The following ATF3 variants were observed in gnomAD, a reference collection of about 807,000 sequenced individuals.
ATF3 encodes the protein activating transcription factor 3.
In ATF3, 10 loss-of-function variants were observed where a neutral mutation model predicts 18.4. The ratio of observed to expected loss-of-function variants is 0.54; its 90% CI spans 0.34 to 0.92. ATF3 has a LOEUF of 0.92. Ranked by LOEUF, ATF3 falls within the 40% of genes least tolerant of loss-of-function variation. The pLI, the probability that ATF3 is intolerant of heterozygous loss-of-function variation, is 0.02. For synonymous variants in ATF3, 78 were observed against 87.9 expected, an observed-to-expected ratio of 0.89 and a Z score of 0.63; for missense variants, 183 against 222.3, an observed-to-expected ratio of 0.82 and a Z score of 1.12.
chr1:212,594,498 T>C (rs6682064), intron 1 of ATF3, among the ~76,000 whole-genome samples: 40,965 of 152,006 alleles, frequency 0.27, 6,125 homozygotes, highest in African/African-American at 0.41. Context: ...GTCCTACTGG[T>C]GTCAGATTTA....
At chr1:212,602,966 A>G (rs1366354468) in intron 1 of ATF3, among the ~76,000 whole-genome samples, 2 of 152,264 alleles carry the variant, frequency 1.3e-5, no homozygotes, top group Non-Finnish European at 2.9e-5. Context: ...TTTAAGGCAG[A>G]CACTCAAGTA....
At chr1:212,617,662 A>G (rs1036726672) in intron 2 of ATF3, among the ~76,000 whole-genome samples, 9 of 152,150 alleles carry the variant, frequency 5.9e-5, no homozygotes, top group African/African-American at 1.7e-4. Context: ...TCAGAGGTGA[A>G]TGGGGTTGCC....
intron 1 of ATF3, among the ~76,000 whole-genome samples, chr1:212,592,463 A>G (rs1645401806): frequency 8.2e-6 from 1 of 122,390 alleles, no homozygotes; most frequent in South Asian, 2.5e-4. Context: ...CAGAATCAGG[A>G]TCCTAACAAG....
At chr1:212,581,357 C>T (rs1278276194) in intron 1 of ATF3, among the ~76,000 whole-genome samples, 1 of 152,132 alleles carries the variant, frequency 6.6e-6, no homozygotes, top group African/African-American at 2.4e-5. Flanking sequence ...TCCCCTGCAC[C>T]TGCTTGAGAC....
At chr1:212,601,738 A>C (rs1485526534) in intron 1 of ATF3, among the ~76,000 whole-genome samples, 5 of 152,188 alleles carry the variant, frequency 3.3e-5, no homozygotes, top group African/African-American at 1.2e-4. Flanking sequence ...CCACACATCA[A>C]GTTTTTTTAA....
chr1:212,618,498 G>A lies in ATF3; in HGVS notation c.348+264G>A, dbSNP rs1655230336. On this transcript the variant is annotated intron_variant, in intron 3 of 3. Transcript: ENST00000341491. The surrounding 1 kb of genome is among the most constrained non-coding windows in gnomAD (Gnocchi z 4.4). ...CAGCAGCCTCGGCCGGTTCATACAT[G>A]TCCATCAGCTTCCAGGCTGCAGGAC... 2 of 498,892 alleles carry A rather than the reference G, an allele frequency of 4.0e-6. No individual in the cohort carries two copies. The highest frequency in any genetic ancestry group is 3.3e-5 in the Admixed American group (1 of 30,760). 30.9% of individuals were successfully genotyped at this position (498,892 alleles called of 1,614,324 possible).
At chr1:212,566,598 C>T (rs371062888) in intron 1 of ATF3, among the ~76,000 whole-genome samples, 18 of 152,208 alleles carry the variant, frequency 1.2e-4, no homozygotes, top group East Asian at 1.2e-3. Context: ...GTGGAGGTCA[C>T]GGTCAGCTGT....
chr1:212,615,816 G>A (rs1655096919), intron 2 of ATF3, among the ~76,000 whole-genome samples: 1 of 146,866 alleles, frequency 6.8e-6, no homozygotes, highest in Non-Finnish European at 1.5e-5. Flanking sequence ...TTTAGAGACA[G>A]TGTTGCTCCA....
rs148364357 is a variant in ATF3, at chr1:212,615,093, C to G, written c.72C>G (p.Ser24=). The part of the protein sequence containing the change: ...VSASAIVPCL[S]PPGSLVFEDF... The stretch of plus-strand genomic sequence containing the variant: ...CTTCTGCCATCGTCCCCTGCCTGTC[C>G]CCTCCTGGGTCACTGGTGTTTGAGG... Residue 24 remains serine, a synonymous_variant, in exon 2 of 4, where the codon TCC becomes TCG. Coordinates refer to ENST00000341491, the MANE Select transcript of ATF3 (RefSeq NM_001674.4). 1.2e-6 allele frequency: 2 copies of G among 1,614,158 alleles called. No homozygotes were observed. Among genetic ancestry groups the G allele is most frequent in the South Asian group, 2.2e-5 (2 of 91,084 alleles).
At chr1:212,578,663 T>A (rs563830780) in intron 1 of ATF3, among the ~76,000 whole-genome samples, 1 of 152,332 alleles carries the variant, frequency 6.6e-6, no homozygotes, top group African/African-American at 2.4e-5. Flanking sequence ...TTGGCTGTCT[T>A]CCTTAGCATT....
intron 1 of ATF3, among the ~76,000 whole-genome samples, chr1:212,609,361 C>T (rs1177005112): frequency 1.1e-5 from 1 of 88,660 alleles, no homozygotes; most frequent in Non-Finnish European, 2.1e-5. Flanking sequence ...CTGTGGGAGC[C>T]GATCCTTCCC....
chr1:212,582,336 G>T (rs1017585861), intron 1 of ATF3, among the ~76,000 whole-genome samples: 8 of 152,206 alleles, frequency 5.3e-5, no homozygotes, highest in Non-Finnish European at 1.2e-4. Context: ...TCGTATTAAT[G>T]CATTTTCTTT....
At chr1:212,589,521 T>C (rs1291672260) in intron 1 of ATF3, among the ~76,000 whole-genome samples, 1 of 151,828 alleles carries the variant, frequency 6.6e-6, no homozygotes, top group Non-Finnish European at 1.5e-5. Flanking sequence ...AATAAGAGAT[T>C]ATGTTCAATT....
At chr1:212,610,854 G>A (rs1483455464) in intron 1 of ATF3, among the ~76,000 whole-genome samples, 3 of 152,156 alleles carry the variant, frequency 2.0e-5, no homozygotes, top group African/African-American at 4.8e-5. Context: ...ATGAGCAGTC[G>A]GTGGGTGTTC....
intron 1 of ATF3, among the ~76,000 whole-genome samples, chr1:212,596,665 C>T (rs79176272): frequency 0.05 from 7,587 of 152,276 alleles, 296 homozygotes; most frequent in East Asian, 0.13. Flanking sequence ...GACAATGTCC[C>T]CTCTCACCCA....
At chr1:212,586,969 G>A (rs12738431) in intron 1 of ATF3, among the ~76,000 whole-genome samples, 17,927 of 152,186 alleles carry the variant, frequency 0.12, 2,001 homozygotes, top group African/African-American at 0.3. Context: ...CCCTCCGCAG[G>A]GCAGAGGAGC....
rs1228912112 is a variant in ATF3 at position 212,620,272 on chromosome 1, A to C, written c.*717A>C. On this transcript the variant is annotated 3_prime_UTR_variant, in exon 4 of 4. Transcript: ENST00000341491. The stretch of plus-strand genomic sequence containing the variant: ...CGTTAACACAAAATCCATGGGCAGT[A>C]TGATGGCAGGTCCTCTGTTGCAAAC... The C allele has an allele frequency of 6.5e-6, 1 of 153,312 alleles. No individual in the cohort carries two copies. The highest frequency in any genetic ancestry group is 1.5e-5 in the Non-Finnish European group (1 of 68,582). 9.5% of individuals were successfully genotyped at this position (153,312 alleles called of 1,614,324 possible). A position where few individuals can be genotyped will look rare whatever the true frequency, so the allele number is the denominator to read the frequency against.
chr1:212,605,934 C>G, upstream of ATF3, among the ~76,000 whole-genome samples: 1 of 152,364 alleles, frequency 6.6e-6, no homozygotes, highest in East Asian at 1.9e-4. Flanking sequence ...GGGCTTCCTT[C>G]TAAGGCGAGA....
At chr1:212,581,546 CTGTT>C (rs1664685147) in intron 1 of ATF3, among the ~76,000 whole-genome samples, 1 of 152,090 alleles carries the variant, frequency 6.6e-6, no homozygotes, top group African/African-American at 2.4e-5. Flanking sequence ...AATACAAAAA[CTGTT>C]TGTGGTTCCT....
Sources: allele counts gnomAD v4.1 joint callset (sites outside exome capture counted in the v4.1 genomes callset), GRCh38; gene constraint gnomAD v4.1.1; non-coding constraint Gnocchi (gnomAD v3.1); transcripts MANE v1.5; gene names NCBI Gene and HGNC (gene_info 2026-07-23, HGNC 2026-07-21).